SLC7A2: variants seen among roughly 807,000 people sequenced by gnomAD.
SLC7A2 encodes solute carrier family 7 member 2.
A neutral mutation model predicts 58.9 loss-of-function variants in SLC7A2; 48 were observed. That is an observed-to-expected ratio of 0.82 (90% CI 0.65 to 1.04). The LOEUF (loss-of-function observed/expected upper bound fraction) is 1.04, where lower values mean the gene tolerates loss of function less well. Ranked by LOEUF, SLC7A2 falls within the 50% of genes least tolerant of loss-of-function variation. SLC7A2 has a pLI of 0.00. For missense variants in SLC7A2, 1,029 were observed against 818.8 expected, an observed-to-expected ratio of 1.26 and a Z score of -3.13; for synonymous variants, 363 against 314.5, an observed-to-expected ratio of 1.15 and a Z score of -1.63.
rs113046676 is a variant in SLC7A2, at chr8:17,522,496, G to A, written c.-23+20194G>A. On this transcript the variant is annotated intron_variant, in intron 2 of 12. Transcript: ENST00000494857. ...ATTGTGCGCTTGTTTGTACCACCCTGATAAGTACCTGGGGACAGAGACTGG... is the reference window on the plus strand; with the variant it reads ...ATTGTGCGCTTGTTTGTACCACCCTAATAAGTACCTGGGGACAGAGACTGG... Among the ~76,000 whole-genome samples the A allele has an allele frequency of 9.6e-3, 1,458 of 152,232 alleles. 28 individuals are homozygous for A. Among genetic ancestry groups the A allele is most frequent in the African/African-American group, 0.034 (1,406 of 41,534 alleles).
chr8:17,498,954 G>A (rs1485427364), intron 1 of SLC7A2: 3 of 152,180 alleles, frequency 2.0e-5, no homozygotes, highest in Admixed American at 2.0e-4. Flanking sequence ...GCATTCTCAT[G>A]TATCTTTGCC....
intron 3 of SLC7A2, 97 bp downstream of exon 3, chr8:17,543,812 C>G: frequency 2.8e-6 from 3 of 1,068,848 alleles, no homozygotes; most frequent in Non-Finnish European, 4.0e-6. Flanking sequence ...GGGTACATCA[C>G]TTGATGTCTG....
chr8:17,551,907 C>A lies in SLC7A2; in HGVS notation c.976C>A (p.Pro326Thr). The change falls in exon 7 of 13, where the codon CCT becomes ACT. Residue 326 changes from proline (P) to threonine (T), a missense_variant. Pro to Thr is a conservative substitution (Grantham distance 38). Coordinates refer to ENST00000494857, the MANE Select transcript of SLC7A2 (RefSeq NM_001370338.1). The part of the protein sequence containing the change: ...YYLLDEKSPL[P>T]VAFEYVGWGP... ...CCTCCTCGATGAAAAAAGCCCCCTT[C>A]CTGTAGCGTTTGAATATGTGGGATG... 6.2e-7 allele frequency: 1 copy of A among 1,613,980 alleles called. No individual in the cohort carries two copies. The highest frequency in any genetic ancestry group is 1.1e-5 in the South Asian group (1 of 91,072).
At chr8:17,523,535 G>A (rs1287965707) in intron 2 of SLC7A2, among the ~76,000 whole-genome samples, 1 of 152,156 alleles carries the variant, frequency 6.6e-6, no homozygotes, top group Non-Finnish European at 1.5e-5. Context: ...TTCAGCAAAT[G>A]GTGATGGGAT....
intron 1 of SLC7A2, among the ~76,000 whole-genome samples, chr8:17,499,465 G>C (rs545283048): frequency 1.5e-4 from 23 of 149,904 alleles, no homozygotes; most frequent in African/African-American, 5.4e-4. Flanking sequence ...TTTTACTTTG[G>C]TGCCCTTTGG....
chr8:17,536,302 C>G (rs527256546), intron 2 of SLC7A2, among the ~76,000 whole-genome samples: 1 of 152,004 alleles, frequency 6.6e-6, no homozygotes, highest in Non-Finnish European at 1.5e-5. Context: ...CAGTGGTTCA[C>G]GCCTGTAACC....
At chr8:17,539,072 C>T in intron 2 of SLC7A2, 3 of 687,970 alleles carry the variant, frequency 4.4e-6, no homozygotes, top group Non-Finnish European at 4.9e-6. Context: ...CCAGGATCAA[C>T]TTGTGACTAT....
At chr8:17,563,541 A>G in intron 11 of SLC7A2, 62 bp from the exon 12 acceptor site, 1 of 1,018,070 alleles carries the variant, frequency 9.8e-7, no homozygotes, top group African/African-American at 1.6e-5. Context: ...ACCCTGTTGA[A>G]ATAACTTGGG....
chr8:17,555,553 A>G (rs76017951), intron 8 of SLC7A2, among the ~76,000 whole-genome samples: 203 of 152,296 alleles, frequency 1.3e-3, no homozygotes, highest in African/African-American at 4.6e-3. Flanking sequence ...AGCTTTACCC[A>G]TTATTAATAA....
chr8:17,562,059 C>T lies in SLC7A2; in HGVS notation c.1620C>T (p.Ile540=), dbSNP rs749489473. The T allele has an allele frequency of 2.1e-5, 34 of 1,613,812 alleles. No individual in the cohort carries two copies. In the Admixed American group the frequency reaches 3.7e-4, roughly 17 times the overall value. ...TGTTTCTTGTTCTCTTCGTTGCCAT[C>T]GTTCTCACCATCTGGAGGCAGCCCC... ...LALFLVLFVA[I]VLTIWRQPQN... Residue 540 remains isoleucine, a synonymous_variant, in exon 11 of 13, where the codon ATC becomes ATT. Coordinates refer to ENST00000494857, the MANE Select transcript of SLC7A2 (RefSeq NM_001370338.1).
At chr8:17,554,721 T>A in intron 8 of SLC7A2, 22 bp downstream of exon 8, 2 of 1,595,424 alleles carry the variant, frequency 1.3e-6, no homozygotes, top group Non-Finnish European at 1.7e-6. Flanking sequence ...TTGACTTTTC[T>A]TCAGAAACGG....
At chr8:17,563,214 C>A (rs1803104073) in intron 11 of SLC7A2, among the ~76,000 whole-genome samples, 1 of 152,084 alleles carries the variant, frequency 6.6e-6, no homozygotes, top group African/African-American at 2.4e-5. Context: ...CTATCCTGTC[C>A]CATTTGAGCT....
rs1157710615 is a variant in SLC7A2, at chr8:17,550,342, G to C, written c.740G>C (p.Gly247Ala). ...AACGGAACAAGTATCTATGGGGCTG[G>C]TGGCTTTATGCCTTATGGCTTTACG... is the stretch of plus-strand genomic sequence containing the variant. ...SENGTSIYGA[G>A]GFMPYGFTGT... is the part of the protein sequence containing the mutation. Residue 247 changes from glycine (G) to alanine (A), a missense_variant, in exon 6 of 13, where the codon GGT becomes GCT. Gly to Ala is a moderately conservative substitution (Grantham distance 60, BLOSUM62 0). Transcript: ENST00000494857. The C allele has an allele frequency of 6.2e-7, 1 of 1,613,992 alleles. No homozygotes were observed. The highest frequency in any genetic ancestry group is 1.3e-5 in the African/African-American group (1 of 74,922).
chr8:17,530,972 T>C (rs1409873287), intron 2 of SLC7A2, among the ~76,000 whole-genome samples: 2 of 152,246 alleles, frequency 1.3e-5, no homozygotes, highest in East Asian at 1.9e-4. Context: ...CTGATATTTC[T>C]AAATATTTCT....
intron 2 of SLC7A2, among the ~76,000 whole-genome samples, chr8:17,540,707 C>T (rs935948348): frequency 2.0e-5 from 3 of 152,098 alleles, no homozygotes; most frequent in Non-Finnish European, 4.4e-5. Context: ...AACGTTTTCA[C>T]AGGAGGTTTG....
chr8:17,507,275 C>A (rs1020341539), intron 2 of SLC7A2, among the ~76,000 whole-genome samples: 4 of 152,070 alleles, frequency 2.6e-5, no homozygotes, highest in African/African-American at 9.7e-5. Flanking sequence ...GGGATCAGTA[C>A]AATTACAACT....
At chr8:17,521,327 T>C (rs1469036651) in intron 2 of SLC7A2, among the ~76,000 whole-genome samples, 1 of 152,208 alleles carries the variant, frequency 6.6e-6, no homozygotes, top group Non-Finnish European at 1.5e-5. Flanking sequence ...ATGGCCTATG[T>C]TGGTTCTTCG....
rs144968267 is a variant in SLC7A2, at chr8:17,562,021, G to A, written c.1582G>A (p.Ala528Thr). Residue 528 changes from alanine to threonine, a missense_variant, in exon 11 of 13, where the codon GCT (alanine) becomes ACT (threonine). Coordinates refer to ENST00000494857, the MANE Select transcript of SLC7A2 (RefSeq NM_001370338.1). ...AITRLEAWSL[A>T]LLALFLVLFV... ...CACCAGGCTGGAGGCCTGGAGCCTC[G>A]CTCTCCTCGCGCTGTTTCTTGTTCT... 7.1e-5 allele frequency: 115 copies of A among 1,613,930 alleles called. No individual in the cohort carries two copies. Among genetic ancestry groups the A allele is most frequent in the Middle Eastern group, 1.6e-4 (1 of 6,062 alleles).
intron 2 of SLC7A2, among the ~76,000 whole-genome samples, chr8:17,516,069 CTA>C (rs1268660742): frequency 6.6e-6 from 1 of 152,094 alleles, no homozygotes; most frequent in African/African-American, 2.4e-5. Flanking sequence ...CATCTCTTTT[CTA>C]TGTCTTTTTC....
Sources: gnomAD v4.1 joint callset for allele counts (sites outside exome capture counted in the v4.1 genomes callset) on GRCh38, gnomAD v4.1.1 for gene constraint, MANE v1.5 for transcripts, NCBI Gene and HGNC (gene_info 2026-07-23, HGNC 2026-07-21) for gene names.